Variants in NME7 observed in about 807,000 individuals in gnomAD.
NME7 encodes nucleoside diphosphate kinase 7.
In NME7, 41 loss-of-function variants were observed where a neutral mutation model predicts 49.1. The ratio of observed to expected loss-of-function variants is 0.83; its 90% CI spans 0.65 to 1.08. The LOEUF is 1.08. Ranked by LOEUF, NME7 falls within the 50% of genes least tolerant of loss-of-function variation. The pLI, the probability that NME7 is intolerant of heterozygous loss-of-function variation, is 0.00. For missense variants in NME7, 423 were observed against 463.4 expected, an observed-to-expected ratio of 0.91 and a Z score of 0.80; for synonymous variants, 139 against 150.6, an observed-to-expected ratio of 0.92 and a Z score of 0.56.
At chr1:169,194,228 C>G (rs1660310620) in intron 10 of NME7, among the ~76,000 whole-genome samples, 2 of 152,018 alleles carry the variant, frequency 1.3e-5, no homozygotes, top group African/African-American at 4.8e-5. Flanking sequence ...TAAGGTGGCA[C>G]ACATGGAATG....
chr1:169,246,321 A>ATTTTG (rs1648310801), intron 7 of NME7, among the ~76,000 whole-genome samples: 1 of 152,160 alleles, frequency 6.6e-6, no homozygotes, highest in Non-Finnish European at 1.5e-5. Flanking sequence ...AGTAAAAACA[A>ATTTTG]ATCAAAATAA....
intron 7 of NME7, among the ~76,000 whole-genome samples, chr1:169,279,998 A>T (rs2101886875): frequency 6.6e-6 from 1 of 152,362 alleles, no homozygotes; most frequent in South Asian, 2.1e-4. Flanking sequence ...TTGCTGGGCC[A>T]AATGGTATTT....
chr1:169,322,485 G>T (rs1028261214), intron 3 of NME7: 2 of 152,160 alleles, frequency 1.3e-5, no homozygotes, highest in East Asian at 1.9e-4. Context: ...ACAAACTTTT[G>T]TGGGTCACAC....
intron 11 of NME7, among the ~76,000 whole-genome samples, chr1:169,150,949 A>T (rs983062442): frequency 1.3e-5 from 2 of 152,188 alleles, no homozygotes; most frequent in South Asian, 4.1e-4. Context: ...TGAAATTTGC[A>T]TATCACATAC....
At chr1:169,228,598 A>AC (rs1647445627) in intron 10 of NME7, among the ~76,000 whole-genome samples, 1 of 149,420 alleles carries the variant, frequency 6.7e-6, no homozygotes, top group African/African-American at 2.5e-5. Context: ...AATGGCGTGA[A>AC]CCCGGGAAGC....
intron 1 of NME7, among the ~76,000 whole-genome samples, chr1:169,335,558 G>C (rs1008729933): frequency 7.9e-4 from 120 of 151,826 alleles, no homozygotes; most frequent in Admixed American, 1.3e-3. Context: ...GTTGTGGGGT[G>C]GGGGATGAGG....
intron 7 of NME7, among the ~76,000 whole-genome samples, chr1:169,246,741 G>C (rs1022153930): frequency 2.6e-5 from 4 of 152,094 alleles, no homozygotes; most frequent in African/African-American, 9.7e-5. Context: ...ACCATGCCCA[G>C]CTAATTATTA....
intron 11 of NME7, 61 bp from the exon 12 acceptor site, chr1:169,132,878 A>G (rs1658279258): frequency 7.1e-7 from 1 of 1,410,042 alleles, no homozygotes; most frequent in African/African-American, 1.4e-5. Flanking sequence ...TCCACTTAAC[A>G]GAGTCCAAGA....
chr1:169,257,007 C>T (rs1436603211), intron 7 of NME7, among the ~76,000 whole-genome samples: 1 of 130,502 alleles, frequency 7.7e-6, no homozygotes, highest in African/African-American at 2.6e-5. Flanking sequence ...GAGGTTACTG[C>T]TGTCTTTTTG....
At chr1:169,171,463 A>G (rs1457529114) in intron 10 of NME7, among the ~76,000 whole-genome samples, 1 of 152,186 alleles carries the variant, frequency 6.6e-6, no homozygotes, top group Non-Finnish European at 1.5e-5. Flanking sequence ...TTGAAATCTG[A>G]AGAGGTTCAT....
At chr1:169,365,923 T>C (rs1653834592) in intron 1 of NME7, among the ~76,000 whole-genome samples, 1 of 152,222 alleles carries the variant, frequency 6.6e-6, no homozygotes, top group African/African-American at 2.4e-5. Context: ...TAGCATTATT[T>C]AACTTGGTGA....
At chr1:169,170,344 C>G (rs1252270705) in intron 10 of NME7, among the ~76,000 whole-genome samples, 1 of 152,096 alleles carries the variant, frequency 6.6e-6, no homozygotes, top group Non-Finnish European at 1.5e-5. Flanking sequence ...AAGTGGAAAT[C>G]AGAAAGAATC....
At chr1:169,205,070 T>C (rs887699939) in intron 10 of NME7, among the ~76,000 whole-genome samples, 1 of 152,162 alleles carries the variant, frequency 6.6e-6, no homozygotes, top group Non-Finnish European at 1.5e-5. Context: ...GTCACACTAA[T>C]AATTAGTCTA....
intron 11 of NME7, among the ~76,000 whole-genome samples, chr1:169,148,370 G>C (rs1658819946): frequency 6.6e-6 from 1 of 152,078 alleles, no homozygotes; most frequent in Non-Finnish European, 1.5e-5. Flanking sequence ...AAAACATTGA[G>C]CCTAATATTT....
chr1:169,340,599 G>A (rs1417568949), intron 1 of NME7, among the ~76,000 whole-genome samples: 3 of 152,250 alleles, frequency 2.0e-5, no homozygotes, highest in Non-Finnish European at 4.4e-5. Context: ...AAAAGAAGAT[G>A]TGGGAAAGTT....
chr1:169,356,719 T>G (rs1392441772), intron 1 of NME7, among the ~76,000 whole-genome samples: 1 of 152,152 alleles, frequency 6.6e-6, no homozygotes, highest in Admixed American at 6.6e-5. Context: ...GTGAAGCACT[T>G]AATTGTACAG....
rs1422519342 is a variant in NME7 at position 169,258,405 on chromosome 1, T to TATATAC, written c.755-20719_755-20718insGTATAT. ...ATATATATATATATATATATATATA[T>TATATAC]ACACACACACACACACACATACACA... On this transcript the variant is annotated intron_variant, in intron 7 of 11. Coordinates refer to ENST00000367811, the MANE Select transcript of NME7 (RefSeq NM_013330.5). Among the ~76,000 whole-genome samples the TATATAC allele has an allele frequency of 1.3e-3, 92 of 68,762 alleles. 1 individual carries two copies. Among genetic ancestry groups the TATATAC allele is most frequent in the African/African-American group, 4.6e-3 (88 of 19,020 alleles). 45.1% of individuals were successfully genotyped at this position (68,762 alleles called of 152,430 possible). A position where few individuals can be genotyped will look rare whatever the true frequency, so the allele number is the denominator to read the frequency against.
At chr1:169,237,723 A>G in intron 7 of NME7, 36 bp from the exon 8 acceptor site, 1 of 1,532,714 alleles carries the variant, frequency 6.5e-7, no homozygotes, top group Non-Finnish European at 9.0e-7. Context: ...AAAATACAAA[A>G]TTTTAAGACA....
intron 7 of NME7, among the ~76,000 whole-genome samples, chr1:169,279,893 G>A (rs894620645): frequency 6.6e-6 from 1 of 152,174 alleles, no homozygotes; most frequent in Non-Finnish European, 1.5e-5. Flanking sequence ...TTCCAAGTCT[G>A]TGCTATTGTG....
Sources: gnomAD v4.1 joint callset for allele counts (sites outside exome capture counted in the v4.1 genomes callset) on GRCh38, gnomAD v4.1.1 for gene constraint, MANE v1.5 for transcripts, NCBI Gene and HGNC (gene_info 2026-07-23, HGNC 2026-07-21) for gene names.